The following ABHD18 variants were observed in gnomAD, a reference collection of about 807,000 sequenced individuals.
ABHD18 encodes the protein cardiolipin-specific deacylase, mitochondrial.
Under a neutral mutation model 65.9 loss-of-function variants are expected in ABHD18, and 55 were observed. The observed-to-expected ratio is 0.84, with a 90% confidence interval of 0.67 to 1.05. The LOEUF is 1.05. Ranked by LOEUF, ABHD18 falls within the 50% of genes least tolerant of loss-of-function variation. The probability of loss-of-function intolerance (pLI) is 0.00; values close to 1 mark genes in which losing one functional copy is unlikely to be tolerated. For missense variants in ABHD18, 533 were observed against 558.5 expected (o/e 0.95, Z 0.46); for synonymous variants, 181 against 180.2 (o/e 1.00, Z -0.04).
In ABHD18 at chr4:128,038,531, CTT is replaced by C. The variant is rs1759068389; in HGVS notation, c.*2721_*2722del. On this transcript the variant is annotated 3_prime_UTR_variant, in exon 13 of 13. Transcript: ENST00000645843. ...AGTTTTAATTCTTAGGCATAACTAA[CTT>C]TTCTCAAATAAAGTGTGAAAGAAAG... 6.6e-6 allele frequency: 1 copy of C among 152,128 alleles called. No homozygotes were observed. The highest frequency in any genetic ancestry group is 1.5e-5 in the Non-Finnish European group (1 of 68,006). The allele number at this position is 152,128 out of a possible 1,614,324, so 9.4% of individuals were successfully genotyped here.
intron 4 of ABHD18, among the ~76,000 whole-genome samples, chr4:128,005,073 C>G (rs577270294): frequency 4.5e-4 from 68 of 151,744 alleles, no homozygotes; most frequent in African/African-American, 1.6e-3. Flanking sequence ...ACTAAAAATA[C>G]AAAAAATTAG....
In ABHD18 at chr4:128,030,569, C is replaced by T. The variant is rs202120305; in HGVS notation, c.1240C>T (p.Arg414Ter). The T allele has an allele frequency of 2.1e-4, 336 of 1,607,390 alleles. No homozygotes were observed. Among genetic ancestry groups the T allele is most frequent in the South Asian group, 2.1e-4 (19 of 89,410 alleles). ...VQAKEDAYIPRTGVRSLQEIW... is the reference protein window; with the variant it reads ...VQAKEDAYIP ...AGCCAAAGAAGATGCCTATATTCCACGAACAGGAGTTCGAAGTTTACAAGA... is the reference window on the plus strand; with the variant it reads ...AGCCAAAGAAGATGCCTATATTCCATGAACAGGAGTTCGAAGTTTACAAGA... Residue 414 changes from arginine (R) to a stop codon, truncating the protein, a stop_gained, in exon 12 of 13, where the codon CGA becomes TGA. Coordinates refer to ENST00000645843, the MANE Select transcript of ABHD18 (RefSeq NM_001358451.3). LOFTEE classifies it high-confidence loss of function.
chr4:127,974,194 T>G (rs992055011), intron 1 of ABHD18, among the ~76,000 whole-genome samples: 2,775 of 140,106 alleles, frequency 0.02, 102 homozygotes, highest in African/African-American at 0.067. Context: ...TTCTGTTTTT[T>G]TTTTTTTTTT....
intron 4 of ABHD18, among the ~76,000 whole-genome samples, chr4:128,008,357 T>A (rs1470635211): frequency 1.5e-5 from 2 of 137,808 alleles, no homozygotes; most frequent in African/African-American, 5.4e-5. Flanking sequence ...CTGCAACCTC[T>A]GCCTCCCGGG....
intron 12 of ABHD18, 78 bp from the exon 13 acceptor site, chr4:128,035,684 A>G: frequency 1.2e-6 from 1 of 817,638 alleles, no homozygotes; most frequent in Non-Finnish European, 1.9e-6. Context: ...TAAATTTGGA[A>G]ATAACTTACA....
chr4:127,994,755 A>G (rs906156811), intron 4 of ABHD18, among the ~76,000 whole-genome samples: 13 of 152,238 alleles, frequency 8.5e-5, no homozygotes, highest in African/African-American at 2.9e-4. Context: ...TCCTTTGAGG[A>G]TAGTTTATAT....
rs913355302 is a variant in ABHD18 at position 128,007,158 on chromosome 4, G to T, written c.279-1762G>T. Among the ~76,000 whole-genome samples the T allele has an allele frequency of 3.3e-5, 5 of 151,326 alleles. No homozygotes were observed. In the South Asian group the frequency reaches 8.4e-4, roughly 25 times the overall value. On this transcript the variant is annotated intron_variant, in intron 4 of 12. Transcript: ENST00000645843. ...AAAACTCCATCTCTCAAAGAAAAAA[G>T]AAATAAAGAAATTAGCCAGGCGTGA...
At chr4:127,999,221 T>G (rs1752272075) in intron 4 of ABHD18, among the ~76,000 whole-genome samples, 1 of 151,846 alleles carries the variant, frequency 6.6e-6, no homozygotes, top group Non-Finnish European at 1.5e-5. Flanking sequence ...GAGGTGGAGG[T>G]TGCAGTGAGC....
intron 4 of ABHD18, among the ~76,000 whole-genome samples, chr4:127,992,084 C>T (rs1751013226): frequency 6.6e-6 from 1 of 152,158 alleles, no homozygotes; most frequent in East Asian, 1.9e-4. Context: ...TAAGTCTACT[C>T]TTTATGGACC....
chr4:128,003,822 G>A (rs180716776), intron 4 of ABHD18, among the ~76,000 whole-genome samples: 1 of 151,976 alleles, frequency 6.6e-6, no homozygotes, highest in Admixed American at 6.6e-5. Flanking sequence ...GTACGTGCCT[G>A]TGGTCTCAGC....
chr4:128,003,947 T>TA (rs1444715012), intron 4 of ABHD18, among the ~76,000 whole-genome samples: 9 of 114,198 alleles, frequency 7.9e-5, no homozygotes, highest in Admixed American at 3.0e-4. Context: ...CTGTCTCGAT[T>TA]TAAAAAAAAA....
intron 4 of ABHD18, among the ~76,000 whole-genome samples, chr4:127,998,341 G>A (rs553932765): frequency 1.5e-5 from 2 of 135,112 alleles, no homozygotes; most frequent in African/African-American, 5.5e-5. Flanking sequence ...GGAGTGCACT[G>A]GCACGATCTC....
At chr4:127,975,431 A>T (rs1275001627) in intron 1 of ABHD18, among the ~76,000 whole-genome samples, 1 of 152,192 alleles carries the variant, frequency 6.6e-6, no homozygotes, top group Non-Finnish European at 1.5e-5. Context: ...GACTAATTTC[A>T]CTTAGCGTAA....
At chr4:127,980,560 A>T (rs1748835501) in intron 1 of ABHD18, among the ~76,000 whole-genome samples, 1 of 151,344 alleles carries the variant, frequency 6.6e-6, no homozygotes, top group East Asian at 2.0e-4. Context: ...ACAGTTGCTC[A>T]TGTCTGTAAT....
At chr4:128,012,729 A>G (rs1389959209) in intron 7 of ABHD18, among the ~76,000 whole-genome samples, 2 of 152,096 alleles carry the variant, frequency 1.3e-5, no homozygotes, top group East Asian at 1.9e-4. Context: ...GAAAAGCCCA[A>G]TGTAAGCGTC....
chr4:127,984,461 G>A (rs1179830278), intron 3 of ABHD18, 38 bp downstream of exon 3: 1 of 1,249,348 alleles, frequency 8.0e-7, no homozygotes, highest in East Asian at 2.6e-5. Flanking sequence ...AGGAATTGTG[G>A]TTTGACATAA....
At chr4:128,003,977 A>G (rs946973336) in intron 4 of ABHD18, among the ~76,000 whole-genome samples, 1 of 151,406 alleles carries the variant, frequency 6.6e-6, no homozygotes. Flanking sequence ...AAAAAACCAA[A>G]CAAACAAAAA....
At chr4:128,032,078 C>T (rs561409414) in intron 12 of ABHD18, among the ~76,000 whole-genome samples, 65 of 152,072 alleles carry the variant, frequency 4.3e-4, no homozygotes, top group Non-Finnish European at 7.9e-4. Flanking sequence ...ATAGCTAAGA[C>T]GTATTAGGAA....
At chr4:127,987,817 A>C (rs964524100) in intron 3 of ABHD18, among the ~76,000 whole-genome samples, 4 of 152,184 alleles carry the variant, frequency 2.6e-5, no homozygotes, top group Non-Finnish European at 5.9e-5. Flanking sequence ...TCAGTTTTAT[A>C]GAGATATTAT....
Sources: gnomAD v4.1 joint callset for allele counts (sites outside exome capture counted in the v4.1 genomes callset) on GRCh38, gnomAD v4.1.1 for gene constraint, MANE v1.5 for transcripts, NCBI Gene and HGNC (gene_info 2026-07-23, HGNC 2026-07-21) for gene names.